CLASP2: variants seen among roughly 807,000 people sequenced by gnomAD.
CLASP2 encodes the protein CLIP-associating protein 2.
A neutral mutation model predicts 194.4 loss-of-function variants in CLASP2; 47 were observed. That is an observed-to-expected ratio of 0.24 (90% CI 0.19 to 0.31). The LOEUF (loss-of-function observed/expected upper bound fraction) is 0.31, where lower values mean the gene tolerates loss of function less well. Among genes scored for constraint, CLASP2 ranks in the 10% least tolerant of loss-of-function variants. CLASP2 has a pLI of 1.00. For synonymous variants in CLASP2, 619 were observed against 633.5 expected, an observed-to-expected ratio of 0.98 and a Z score of 0.34; for missense variants, 1,445 against 1,823.6, an observed-to-expected ratio of 0.79 and a Z score of 3.78.
At position 33,688,300 on chromosome 3, in the gene CLASP2, C is replaced by T. The variant is rs760626781; in HGVS notation, c.447G>A (p.Leu149=). The T allele has an allele frequency of 6.9e-6, 11 of 1,587,692 alleles. No individual in the cohort carries two copies. Among genetic ancestry groups the T allele is most frequent in the Middle Eastern group, 1.7e-4 (1 of 6,050 alleles). Reference sequence around the variant, plus strand: ...ACATGTTTAAGGTTTCAATAAGACACAGACACACGCCTTCTCGAGATCGAA... The same window carrying T: ...ACATGTTTAAGGTTTCAATAAGACATAGACACACGCCTTCTCGAGATCGAA... The part of the protein sequence containing the change: ...KNFRSREGVC[L]CLIETLNIFG... The change falls in exon 4 of 39, where the codon CTG becomes CTA. Residue 149 remains leucine (L), a synonymous_variant. Coordinates refer to ENST00000682230, the MANE Select transcript of CLASP2 (RefSeq NM_001365631.1).
In CLASP2 at chr3:33,529,748, G is replaced by A. The variant is rs535181380; in HGVS notation, c.3787+5485C>T. On this transcript the variant is annotated intron_variant, in intron 34 of 38. Transcript: ENST00000682230. ...TGTAATCCCAGCACTTTGGGAGGCC[G>A]AGGCGGGTGGATCATGAGGTCAGGA... is the stretch of plus-strand genomic sequence containing the variant. Among the ~76,000 whole-genome samples, 230 of 152,076 alleles carry A rather than the reference G, an allele frequency of 1.5e-3. 1 individual carries two copies. Among genetic ancestry groups the A allele is most frequent in the Middle Eastern group, 0.014 (4 of 294 alleles).
chr3:33,715,975 A>G (rs1224925051), intron 1 of CLASP2, among the ~76,000 whole-genome samples: 3 of 152,206 alleles, frequency 2.0e-5, no homozygotes, highest in Admixed American at 1.3e-4. Flanking sequence ...ATGCTATAGA[A>G]TTCAACAGAA....
chr3:33,596,970 T>C (rs2154246732), intron 18 of CLASP2, among the ~76,000 whole-genome samples: 1 of 152,344 alleles, frequency 6.6e-6, no homozygotes, highest in African/African-American at 2.4e-5. Flanking sequence ...TCTATTTCAC[T>C]AGCCTAAAAA....
intron 20 of CLASP2, among the ~76,000 whole-genome samples, chr3:33,594,732 G>A (rs1251993786): frequency 6.8e-6 from 1 of 147,956 alleles, no homozygotes; most frequent in African/African-American, 2.5e-5. Context: ...AGCATGAGAT[G>A]ATCCAAAGTA....
At chr3:33,543,583 T>C (rs2058709642) in intron 31 of CLASP2, 44 bp from the exon 32 acceptor site, 1 of 1,255,772 alleles carries the variant, frequency 8.0e-7, no homozygotes, top group Non-Finnish European at 1.2e-6. Context: ...TACAGGTAAG[T>C]TCACTTAAAA....
chr3:33,532,136 GATGA>G (rs2056460733), intron 34 of CLASP2, among the ~76,000 whole-genome samples: 1 of 152,190 alleles, frequency 6.6e-6, no homozygotes, highest in South Asian at 2.1e-4. Flanking sequence ...TCCATCAGTG[GATGA>G]ATGGATAAGC....
At chr3:33,667,406 C>CAAAGAAAAAAA (rs2086378859) in intron 6 of CLASP2, among the ~76,000 whole-genome samples, 1 of 44,148 alleles carries the variant, frequency 2.3e-5, no homozygotes, top group African/African-American at 1.1e-4. Context: ...GAGACTATCT[C>CAAAGAAAAAAA]AAAAAAAAAA....
intron 21 of CLASP2, among the ~76,000 whole-genome samples, chr3:33,587,435 C>T (rs2067665452): frequency 6.6e-6 from 1 of 152,106 alleles, no homozygotes; most frequent in Non-Finnish European, 1.5e-5. Flanking sequence ...ATCTGTGATT[C>T]TTACTACAGT....
intron 32 of CLASP2, among the ~76,000 whole-genome samples, chr3:33,542,766 A>G (rs1330343357): frequency 6.6e-6 from 1 of 151,880 alleles, no homozygotes; most frequent in African/African-American, 2.4e-5. Flanking sequence ...TAAACTCATC[A>G]TTATAACTGA....
At chr3:33,604,016 A>T in intron 17 of CLASP2, 138 bp downstream of exon 17, 1 of 637,672 alleles carries the variant, frequency 1.6e-6, no homozygotes, top group Non-Finnish European at 2.8e-6. Context: ...ACGTATACAT[A>T]TACAGGTACA....
intron 1 of CLASP2, among the ~76,000 whole-genome samples, chr3:33,706,995 A>G (rs1435473406): frequency 6.6e-6 from 1 of 152,168 alleles, no homozygotes; most frequent in Non-Finnish European, 1.5e-5. Context: ...AACCAAATAA[A>G]ATAAAATCTA....
At chr3:33,601,992 C>A (rs2072339871) in intron 18 of CLASP2, among the ~76,000 whole-genome samples, 1 of 150,254 alleles carries the variant, frequency 6.7e-6, no homozygotes, top group African/African-American at 2.4e-5. Flanking sequence ...ATTGCTAATT[C>A]AAAAATCCAA....
chr3:33,534,196 T>A (rs901590170), intron 34 of CLASP2, among the ~76,000 whole-genome samples: 1 of 152,194 alleles, frequency 6.6e-6, no homozygotes, highest in Non-Finnish European at 1.5e-5. Flanking sequence ...TATATATTAC[T>A]ATATAGTACT....
At chr3:33,626,548 G>GA (rs1209424509) in intron 10 of CLASP2, among the ~76,000 whole-genome samples, 1 of 151,954 alleles carries the variant, frequency 6.6e-6, no homozygotes, top group Non-Finnish European at 1.5e-5. Flanking sequence ...CACATGAGAA[G>GA]AAAAAAACCC....
At chr3:33,536,215 C>T (rs908396814) in intron 33 of CLASP2, among the ~76,000 whole-genome samples, 2 of 151,300 alleles carry the variant, frequency 1.3e-5, no homozygotes, top group East Asian at 3.9e-4. Context: ...GAGAACGATG[C>T]CTACCCCAGT....
chr3:33,643,622 T>C (rs975219710), intron 8 of CLASP2, among the ~76,000 whole-genome samples: 55 of 152,118 alleles, frequency 3.6e-4, no homozygotes, highest in African/African-American at 1.3e-3. Flanking sequence ...TATATATATA[T>C]TTATACACCC....
chr3:33,560,977 G>GTTGA lies in CLASP2; in HGVS notation c.2767-10_2767-7dup. Reference sequence around the variant, plus strand: ...TCCAAAAACATGCTGAATACCTACAGTTGATAAAGGGGAGAGGTAGGGAGA... The same window carrying GTTGA: ...TCCAAAAACATGCTGAATACCTACAGTTGATTGATAAAGGGGAGAGGTAGGGAGA... On this transcript the variant is annotated splice_region_variant and splice_polypyrimidine_tract_variant and intron_variant, in intron 27 of 38. Coordinates refer to ENST00000682230, the MANE Select transcript of CLASP2 (RefSeq NM_001365631.1). 2 of 1,612,326 alleles carry GTTGA rather than the reference G, an allele frequency of 1.2e-6. No individual in the cohort carries two copies. The highest frequency in any genetic ancestry group is 2.2e-5 in the South Asian group (2 of 90,934).
intron 21 of CLASP2, among the ~76,000 whole-genome samples, chr3:33,589,969 AT>A (rs1201367495): frequency 6.6e-6 from 1 of 152,142 alleles, no homozygotes; most frequent in East Asian, 1.9e-4. Flanking sequence ...TTCATTGTTT[AT>A]TTCTCTGTTT....
In CLASP2 at chr3:33,689,750, A is replaced by G. The variant is rs1575607070; in HGVS notation, c.378+79T>C. Reference sequence around the variant, plus strand: ...GCAACAAATCATTGCTTAAAATTTCAGTGTTCATGCTTGCTGTGGCTTTAA... The same window carrying G: ...GCAACAAATCATTGCTTAAAATTTCGGTGTTCATGCTTGCTGTGGCTTTAA... On this transcript the variant is annotated intron_variant, in intron 3 of 38. Coordinates refer to ENST00000682230, the MANE Select transcript of CLASP2 (RefSeq NM_001365631.1). 2 of 847,362 alleles carry G rather than the reference A, an allele frequency of 2.4e-6. 1 individual carries two copies. The highest frequency in any genetic ancestry group is 3.5e-6 in the Non-Finnish European group (2 of 575,738). 52.5% of individuals were successfully genotyped at this position (847,362 alleles called of 1,614,324 possible).
Sources: allele counts gnomAD v4.1 joint callset (sites outside exome capture counted in the v4.1 genomes callset), GRCh38; gene constraint gnomAD v4.1.1; transcripts MANE v1.5; gene names NCBI Gene and HGNC (gene_info 2026-07-23, HGNC 2026-07-21).